THRB: variants seen among roughly 807,000 people sequenced by gnomAD.
THRB encodes thyroid hormone receptor beta.
In THRB, 12 loss-of-function variants were observed where a neutral mutation model predicts 47.8. That is an observed-to-expected ratio of 0.25 (90% CI 0.16 to 0.41). The LOEUF is 0.41. THRB is among the 10% of genes least tolerant of loss of function. THRB has a pLI of 1.00. For missense variants in THRB, 348 were observed against 589.2 expected (o/e 0.59, Z 4.24); for synonymous variants, 218 against 212.2 (o/e 1.03, Z -0.24).
rs181584465 is a variant in THRB at position 24,121,582 on chromosome 3, T to C, written c.*1302A>G. ...TAGCATGGGCCGTTGGGGAGGCAGG[T>C]TGGGCAGGAAAGTTAAGTGTGCACA... On this transcript the variant is annotated 3_prime_UTR_variant, in exon 11 of 11. Coordinates refer to ENST00000646209, the MANE Select transcript of THRB (RefSeq NM_001354712.2). 106 of 152,600 alleles carry C rather than the reference T, an allele frequency of 6.9e-4. No homozygotes were observed. Among genetic ancestry groups the C allele is most frequent in the African/African-American group, 2.4e-3 (98 of 41,548 alleles). 9.5% of individuals were successfully genotyped at this position (152,600 alleles called of 1,614,324 possible). A position where few individuals can be genotyped will look rare whatever the true frequency, so the allele number is the denominator to read the frequency against.
intron 4 of THRB, among the ~76,000 whole-genome samples, chr3:24,204,830 C>T (rs2045091473): frequency 6.6e-6 from 1 of 152,196 alleles, no homozygotes; most frequent in Non-Finnish European, 1.5e-5. Context: ...AGCGGAAAAC[C>T]ATGGCGCAAG....
chr3:24,401,043 AC>A (rs1431526184), intron 1 of THRB, among the ~76,000 whole-genome samples: 6 of 152,068 alleles, frequency 3.9e-5, no homozygotes, highest in Non-Finnish European at 2.9e-5. Context: ...TACAGTACTT[AC>A]ATCTCATTAA....
intron 4 of THRB, among the ~76,000 whole-genome samples, chr3:24,198,987 C>T (rs1011361167): frequency 1.3e-5 from 2 of 152,132 alleles, no homozygotes; most frequent in African/African-American, 2.4e-5. Flanking sequence ...AGGGCATAAT[C>T]ATAATAATGT....
intron 1 of THRB, among the ~76,000 whole-genome samples, chr3:24,415,831 G>C (rs2068688900): frequency 6.6e-6 from 1 of 151,768 alleles, no homozygotes; most frequent in Non-Finnish European, 1.5e-5. Flanking sequence ...TCCTAACTTA[G>C]TGAACTTACT....
At chr3:24,137,811 A>G (rs1047430640) in intron 8 of THRB, among the ~76,000 whole-genome samples, 1 of 152,194 alleles carries the variant, frequency 6.6e-6, no homozygotes, top group African/African-American at 2.4e-5. Flanking sequence ...AGTCAAAGGA[A>G]AAAACAGGCA....
At chr3:24,438,827 C>T (rs113367323) in intron 1 of THRB, among the ~76,000 whole-genome samples, 1 of 152,090 alleles carries the variant, frequency 6.6e-6, no homozygotes, top group Admixed American at 6.5e-5. Context: ...GACAGAAGTA[C>T]AGCAGTAGAA....
intron 4 of THRB, 33 bp downstream of exon 4, chr3:24,228,905 G>A (rs1437275151): frequency 6.3e-7 from 1 of 1,590,664 alleles, no homozygotes; most frequent in Non-Finnish European, 8.6e-7. Flanking sequence ...AAAAATGGAG[G>A]CACACAAAGA....
chr3:24,163,759 G>A (rs921044854), intron 5 of THRB, among the ~76,000 whole-genome samples: 2 of 151,512 alleles, frequency 1.3e-5, no homozygotes, highest in Non-Finnish European at 2.9e-5. Context: ...ATCAAGATGA[G>A]AAACTCTAAA....
At position 24,157,639 on chromosome 3, in the gene THRB, C is replaced by T. The variant is rs556634477; in HGVS notation, c.284-5149G>A. 3.3e-5 allele frequency among the ~76,000 whole-genome samples: 5 copies of T among 152,272 alleles called. 1 individual carries two copies. The highest frequency in any genetic ancestry group is 7.3e-5 in the Non-Finnish European group (5 of 68,030). ...TGAACTCCTGGGCCCAAGCAGTCCT[C>T]CCAGCTCAGCTTCCTGAGTAGCTGG... On this transcript the variant is annotated intron_variant, in intron 5 of 10. Coordinates refer to ENST00000646209, the MANE Select transcript of THRB (RefSeq NM_001354712.2).
chr3:24,310,563 G>T (rs2057684870), intron 2 of THRB, among the ~76,000 whole-genome samples: 1 of 152,148 alleles, frequency 6.6e-6, no homozygotes, highest in Non-Finnish European at 1.5e-5. Context: ...GTCCGGGTTG[G>T]GGTCATAGAA....
At chr3:24,392,286 T>C (rs2066636590) in intron 1 of THRB, among the ~76,000 whole-genome samples, 1 of 152,278 alleles carries the variant, frequency 6.6e-6, no homozygotes, top group African/African-American at 2.4e-5. Flanking sequence ...TTTTGGGGTA[T>C]ATGTGATATT....
At chr3:24,360,942 A>G (rs535477066) in intron 1 of THRB, among the ~76,000 whole-genome samples, 1 of 152,200 alleles carries the variant, frequency 6.6e-6, no homozygotes, top group East Asian at 1.9e-4. Context: ...TTGAAAAACC[A>G]CCTCACGTGA....
intron 6 of THRB, among the ~76,000 whole-genome samples, chr3:24,147,517 C>T (rs577595751): frequency 6.6e-6 from 1 of 152,304 alleles, no homozygotes; most frequent in Admixed American, 6.5e-5. Context: ...TGTAGACATA[C>T]ACCTACAGGT....
intron 1 of THRB, among the ~76,000 whole-genome samples, chr3:24,440,118 C>T (rs1308831589): frequency 6.6e-6 from 1 of 152,204 alleles, no homozygotes; most frequent in African/African-American, 2.4e-5. Context: ...TGCTGTCTGT[C>T]TCACCCCAAC....
Position 24,121,143 on chromosome 3 carries a change from T to C in THRB, c.*1741A>G, listed in dbSNP as rs551911618. The C allele has an allele frequency of 3.3e-5, 5 of 152,042 alleles. No individual in the cohort carries two copies. Among genetic ancestry groups the C allele is most frequent in the South Asian group, 2.1e-4 (1 of 4,826 alleles). The allele number at this position is 152,042 out of a possible 1,614,324, so 9.4% of individuals were successfully genotyped here. On this transcript the variant is annotated 3_prime_UTR_variant, in exon 11 of 11. Transcript: ENST00000646209. ...AATTAAAGGAACCAGATTTTTTTTT[T>C]CCCCTTGAAATTCAGACAATATTAA...
At chr3:24,180,489 T>C (rs949307080) in intron 5 of THRB, among the ~76,000 whole-genome samples, 1 of 152,236 alleles carries the variant, frequency 6.6e-6, no homozygotes, top group South Asian at 2.1e-4. Flanking sequence ...AAGCCCATAC[T>C]GACAAATGTC....
At chr3:24,416,701 A>G (rs2068759468) in intron 1 of THRB, among the ~76,000 whole-genome samples, 1 of 151,778 alleles carries the variant, frequency 6.6e-6, no homozygotes, top group Admixed American at 6.6e-5. Flanking sequence ...AAGGGATAAA[A>G]TGCAGTTTCT....
chr3:24,480,378 C>G (rs1439372268), intron 1 of THRB, among the ~76,000 whole-genome samples: 1 of 152,198 alleles, frequency 6.6e-6, no homozygotes, highest in Non-Finnish European at 1.5e-5. Context: ...GGCACAGAAT[C>G]CTCAGAGGAC....
At chr3:24,163,216 T>C (rs1403817750) in intron 5 of THRB, among the ~76,000 whole-genome samples, 3 of 152,216 alleles carry the variant, frequency 2.0e-5, no homozygotes, top group Non-Finnish European at 4.4e-5. Flanking sequence ...CTCGAAGACT[T>C]GTAAAAGTAA....
Sources: allele counts gnomAD v4.1 joint callset (sites outside exome capture counted in the v4.1 genomes callset), GRCh38; gene constraint gnomAD v4.1.1; transcripts MANE v1.5; gene names NCBI Gene and HGNC (gene_info 2026-07-23, HGNC 2026-07-21).